Variants in CNGB3 observed in about 807,000 individuals in gnomAD.
CNGB3 encodes the protein cyclic nucleotide gated channel subunit beta 3.
A neutral mutation model predicts 92.8 loss-of-function variants in CNGB3; 86 were observed. The observed-to-expected ratio is 0.93, with a 90% CI of 0.78 to 1.11. The LOEUF (loss-of-function observed/expected upper bound fraction) is 1.11, where lower values mean the gene tolerates loss of function less well. Ranked by LOEUF, CNGB3 falls within the 50% of genes least tolerant of loss-of-function variation. The pLI, the probability that CNGB3 is intolerant of heterozygous loss-of-function variation, is 0.00. For missense variants in CNGB3, 1,026 were observed against 956.8 expected (o/e 1.07, Z -0.95); for synonymous variants, 333 against 332.7 (o/e 1.00, Z -0.01).
intron 15 of CNGB3, among the ~76,000 whole-genome samples, chr8:86,586,833 G>A (rs1321595625): frequency 2.2e-5 from 3 of 136,764 alleles, no homozygotes; most frequent in East Asian, 2.1e-4. Flanking sequence ...ATGATTTATA[G>A]TCCTTTGGGT....
intron 8 of CNGB3, among the ~76,000 whole-genome samples, chr8:86,647,351 G>A (rs921364313): frequency 6.6e-6 from 1 of 150,800 alleles, no homozygotes; most frequent in African/African-American, 2.4e-5. Flanking sequence ...TGATGTAAAA[G>A]TATGTTTACA....
At chr8:86,703,783 C>A (rs1824600429) in intron 3 of CNGB3, among the ~76,000 whole-genome samples, 1 of 152,050 alleles carries the variant, frequency 6.6e-6, no homozygotes, top group Admixed American at 6.6e-5. Flanking sequence ...TGTATTCATT[C>A]AGTGATTTGT....
chr8:86,676,198 T>C (rs1027058295), intron 3 of CNGB3, among the ~76,000 whole-genome samples: 2 of 152,202 alleles, frequency 1.3e-5, no homozygotes, highest in Non-Finnish European at 2.9e-5. Flanking sequence ...TAGTTTAAGA[T>C]GGCTGCTTTA....
intron 11 of CNGB3, among the ~76,000 whole-genome samples, chr8:86,631,647 G>A (rs1822963795): frequency 6.6e-6 from 1 of 152,046 alleles, no homozygotes; most frequent in Admixed American, 6.5e-5. Flanking sequence ...CTATTTCATT[G>A]TTAATATAAT....
rs554468538 is a variant in CNGB3, at chr8:86,694,297, G to A, written c.339-23199C>T. Among the ~76,000 whole-genome samples the A allele has an allele frequency of 8.6e-4, 130 of 150,564 alleles. 1 individual carries two copies. Among genetic ancestry groups the A allele is most frequent in the Non-Finnish European group, 1.7e-3 (115 of 67,286 alleles). Reference sequence around the variant, plus strand: ...GGGCTCCTCACTTCCCAGTAGGGGCGGCCGGGCTGAGGCGCCCCTCACCTC... The same window carrying A: ...GGGCTCCTCACTTCCCAGTAGGGGCAGCCGGGCTGAGGCGCCCCTCACCTC... On this transcript the variant is annotated intron_variant, in intron 3 of 17. Transcript: ENST00000320005.
intron 13 of CNGB3, among the ~76,000 whole-genome samples, chr8:86,622,118 C>T (rs1042463171): frequency 4.6e-5 from 7 of 152,254 alleles, no homozygotes; most frequent in Middle Eastern, 3.4e-3. Context: ...TTATTTTGTT[C>T]CTTTTTATGG....
In CNGB3 at chr8:86,643,878, C is replaced by T; in HGVS notation, c.1056-5G>A. On this transcript the variant is annotated splice_region_variant and splice_polypyrimidine_tract_variant and intron_variant, in intron 9 of 17. Coordinates refer to ENST00000320005, the MANE Select transcript of CNGB3 (RefSeq NM_019098.5). ...TATCCAGTTGTTCGAATAACTCTGT[C>T]AGAGAGAATAGATGCAAAGTAAGAT... The T allele has an allele frequency of 6.2e-7, 1 of 1,603,804 alleles. No individual in the cohort carries two copies. The highest frequency in any genetic ancestry group is 1.1e-5 in the South Asian group (1 of 90,742).
chr8:86,642,279 T>G (rs1307830580), intron 10 of CNGB3, among the ~76,000 whole-genome samples: 1 of 151,798 alleles, frequency 6.6e-6, no homozygotes, highest in Non-Finnish European at 1.5e-5. Flanking sequence ...GATTACATAT[T>G]CACTTTGAGG....
intron 4 of CNGB3, among the ~76,000 whole-genome samples, chr8:86,668,786 C>T (rs988060443): frequency 3.3e-5 from 5 of 151,682 alleles, no homozygotes; most frequent in African/African-American, 9.7e-5. Flanking sequence ...CCTGGGTAGA[C>T]CGGAAGTTTT....
intron 6 of CNGB3, among the ~76,000 whole-genome samples, chr8:86,663,810 T>C (rs2131612160): frequency 6.6e-6 from 1 of 152,350 alleles, no homozygotes; most frequent in East Asian, 1.9e-4. Flanking sequence ...AAGCAATTAT[T>C]TCCTGCTCTA....
chr8:86,707,332 G>A (rs1032822545), intron 3 of CNGB3, among the ~76,000 whole-genome samples: 13 of 152,192 alleles, frequency 8.5e-5, no homozygotes, highest in African/African-American at 3.1e-4. Context: ...GTCAGGTGAT[G>A]ATAAATGCTA....
intron 2 of CNGB3, among the ~76,000 whole-genome samples, chr8:86,735,680 T>A (rs1242443462): frequency 1.3e-5 from 2 of 152,200 alleles, no homozygotes; most frequent in South Asian, 2.1e-4. Context: ...TTGACTCTCC[T>A]GCTTCAACTC....
intron 15 of CNGB3, among the ~76,000 whole-genome samples, chr8:86,602,407 A>G (rs1242732715): frequency 6.6e-6 from 1 of 152,248 alleles, no homozygotes; most frequent in Non-Finnish European, 1.5e-5. Context: ...ATATGAAGTC[A>G]TCTAAAATTA....
At chr8:86,581,467 A>T (rs1161330297) in intron 15 of CNGB3, among the ~76,000 whole-genome samples, 1 of 152,154 alleles carries the variant, frequency 6.6e-6, no homozygotes, top group Admixed American at 6.5e-5. Context: ...TCTGGCAGGC[A>T]TAGGGGAAGA....
At chr8:86,599,510 C>T (rs1015785796) in intron 15 of CNGB3, among the ~76,000 whole-genome samples, 1 of 152,168 alleles carries the variant, frequency 6.6e-6, no homozygotes, top group African/African-American at 2.4e-5. Context: ...CCATATTTCT[C>T]TTCTTTCAAA....
chr8:86,692,358 G>A (rs1412797643), intron 3 of CNGB3, among the ~76,000 whole-genome samples: 1 of 152,106 alleles, frequency 6.6e-6, no homozygotes, highest in African/African-American at 2.4e-5. Flanking sequence ...GTTGCCATCT[G>A]TCTCATTTCT....
rs971363728 is a variant in CNGB3, at chr8:86,644,814, G to A, written c.991-128C>T. On this transcript the variant is annotated intron_variant, in intron 8 of 17. Transcript: ENST00000320005. ...TCATATGTCTTTTTAAAAAAACCAA[G>A]ATCCTGTTTAGTGATATTTTCCTCT... 6.3e-6 allele frequency: 4 copies of A among 635,664 alleles called. No individual in the cohort carries two copies. The African/African-American group carries it at 7.7e-5, about 12-fold the overall frequency. 39.4% of individuals were successfully genotyped at this position (635,664 alleles called of 1,614,324 possible).
At position 86,632,795 on chromosome 8, in the gene CNGB3, T is replaced by A. The variant is rs773111269; in HGVS notation, c.1277A>T (p.Asn426Ile). ...TLFEIVFQLL[N>I]FFSGVFVFSS... ...GAACACAAAAACTCCAGAAAAAAAA[T>A]TCAAGAGTTGAAAAACAATTTCAAA... is the stretch of plus-strand genomic sequence containing the variant. The change falls in exon 11 of 18, where the codon AAT becomes ATT. Residue 426 changes from asparagine to isoleucine, a missense_variant. Physicochemically the swap from Asn to Ile is moderately radical, Grantham distance 149 (BLOSUM62 -3). Coordinates refer to ENST00000320005, the MANE Select transcript of CNGB3 (RefSeq NM_019098.5). The A allele has an allele frequency of 6.2e-7, 1 of 1,612,804 alleles. No homozygotes were observed. The highest frequency in any genetic ancestry group is 8.5e-7 in the Non-Finnish European group (1 of 1,179,720).
chr8:86,593,312 A>G (rs1275841750), intron 15 of CNGB3, among the ~76,000 whole-genome samples: 2 of 152,154 alleles, frequency 1.3e-5, no homozygotes, highest in Admixed American at 6.6e-5. Flanking sequence ...CTGTTTATTT[A>G]TCTTCCTTCG....
Sources: gnomAD v4.1 joint callset for allele counts (sites outside exome capture counted in the v4.1 genomes callset) on GRCh38, gnomAD v4.1.1 for gene constraint, MANE v1.5 for transcripts, NCBI Gene and HGNC (gene_info 2026-07-23, HGNC 2026-07-21) for gene names.